Variants in CELF2 observed in about 807,000 individuals in gnomAD.
CELF2 encodes the protein CUG triplet repeat RNA-binding protein 2.
In CELF2, 8 loss-of-function variants were observed where a neutral mutation model predicts 62.6. The observed-to-expected ratio is 0.13, with a 90% CI of 0.07 to 0.23. CELF2 has a LOEUF of 0.23. CELF2 is among the 10% of genes least tolerant of loss of function. CELF2 has a pLI of 1.00. For missense variants in CELF2, 333 were observed against 671.0 expected (o/e 0.50, Z 5.56); for synonymous variants, 258 against 250.0 (o/e 1.03, Z -0.30).
intron 1 of CELF2, among the ~76,000 whole-genome samples, chr10:10,899,834 T>C (rs2062814423): frequency 6.6e-6 from 1 of 152,182 alleles, no homozygotes; most frequent in Non-Finnish European, 1.5e-5. Flanking sequence ...TCACTCACTA[T>C]CATGAGAACA....
intron 1 of CELF2, among the ~76,000 whole-genome samples, chr10:10,848,448 C>T (rs987584408): frequency 6.6e-6 from 1 of 152,140 alleles, no homozygotes; most frequent in Non-Finnish European, 1.5e-5. Context: ...AGCTTAGGAG[C>T]GTTGCTTTTG....
chr10:10,686,778 C>T, the CELF2 span, among the ~76,000 whole-genome samples: 1 of 152,096 alleles, frequency 6.6e-6, no homozygotes, highest in Non-Finnish European at 1.5e-5. Context: ...TATAAATTAC[C>T]CAGTCTCAGA....
intron 1 of CELF2, among the ~76,000 whole-genome samples, chr10:11,112,111 A>G (rs896460983): frequency 1.3e-5 from 2 of 152,256 alleles, no homozygotes; most frequent in African/African-American, 2.4e-5. Context: ...GGAATAGTAC[A>G]GCAGAACTTT....
the CELF2 span, among the ~76,000 whole-genome samples, chr10:10,755,464 ATCTACTGGCTCTGCTACAT>A: frequency 1.3e-5 from 2 of 152,170 alleles, no homozygotes; most frequent in East Asian, 3.9e-4. Flanking sequence ...TGTTGCCTTC[ATCTACTGGCTCTGCTACAT>A]TTTCGCGCGC....
the CELF2 span, among the ~76,000 whole-genome samples, chr10:10,526,199 T>C: frequency 6.6e-6 from 1 of 152,242 alleles, no homozygotes; most frequent in Non-Finnish European, 1.5e-5. Flanking sequence ...CAAGTATCTA[T>C]GCTTTTCTGC....
chr10:11,146,411 A>G (rs2062289542), intron 1 of CELF2, among the ~76,000 whole-genome samples: 1 of 152,258 alleles, frequency 6.6e-6, no homozygotes, highest in Admixed American at 6.5e-5. Flanking sequence ...ATGTGTAAGC[A>G]TAGCTGTGTT....
At chr10:10,932,260 G>C (rs1034709243) in intron 2 of CELF2, among the ~76,000 whole-genome samples, 2 of 152,208 alleles carry the variant, frequency 1.3e-5, no homozygotes, top group Non-Finnish European at 2.9e-5. Context: ...AAGGTATGCG[G>C]TGGGGAGTGG....
chr10:11,194,929 T>C (rs2057037880), intron 2 of CELF2, among the ~76,000 whole-genome samples: 2 of 151,560 alleles, frequency 1.3e-5, no homozygotes, highest in South Asian at 4.2e-4. Flanking sequence ...CAGGAAGGAG[T>C]GGAGGGGAGC....
At chr10:11,087,348 A>G (rs2047090960) in intron 1 of CELF2, among the ~76,000 whole-genome samples, 1 of 152,192 alleles carries the variant, frequency 6.6e-6, no homozygotes, top group Non-Finnish European at 1.5e-5. Context: ...TTGACACTAG[A>G]CAAGAGTAAA....
the CELF2 span, among the ~76,000 whole-genome samples, chr10:10,594,456 C>G: frequency 6.6e-6 from 1 of 152,162 alleles, no homozygotes. Context: ...TCTGGCCATC[C>G]CATAAGAGGC....
At chr10:10,585,329 C>T in the CELF2 span, among the ~76,000 whole-genome samples, 1 of 152,174 alleles carries the variant, frequency 6.6e-6, no homozygotes, top group Non-Finnish European at 1.5e-5. Context: ...CCAGGACTGG[C>T]CCACAGCCAT....
Position 10,957,203 on chromosome 10 carries a change from A to G in CELF2, c.89+37204A>G, listed in dbSNP as rs1407373393. On this transcript the variant is annotated intron_variant, in intron 2 of 13. Transcript: ENST00000636488. This position sits in a 1 kb window ranked among gnomAD's most constrained non-coding sequence, Gnocchi z 4.1. ...GCAAATAAGTCTTAGTCTCTTTACC[A>G]TTTAACCAGTTTCCCACTAATTCAC... Among the ~76,000 whole-genome samples, 6 of 152,332 alleles carry G rather than the reference A, an allele frequency of 3.9e-5. No homozygotes were observed. The highest frequency in any genetic ancestry group is 3.4e-3 in the Middle Eastern group (1 of 294).
chr10:11,126,582 C>T (rs2058737394), intron 1 of CELF2, among the ~76,000 whole-genome samples: 1 of 152,140 alleles, frequency 6.6e-6, no homozygotes, highest in Non-Finnish European at 1.5e-5. Context: ...TTGCCTTTCC[C>T]GTGGTTCACT....
chr10:11,088,933 T>G (rs1320606608), intron 1 of CELF2, among the ~76,000 whole-genome samples: 1 of 152,196 alleles, frequency 6.6e-6, no homozygotes, highest in Non-Finnish European at 1.5e-5. Flanking sequence ...CTGGAGCTGG[T>G]GACTGAAGCA....
At position 11,096,334 on chromosome 10, in the gene CELF2, G is replaced by A. The variant is rs575140142; in HGVS notation, c.75-69152G>A. The A allele has an allele frequency of 2.0e-5, 3 of 152,266 alleles. No homozygotes were observed. In the South Asian group the frequency reaches 6.2e-4, roughly 32 times the overall value. 9.4% of individuals were successfully genotyped at this position (152,266 alleles called of 1,614,324 possible). On this transcript the variant is annotated intron_variant, in intron 1 of 12. Transcript: ENST00000633077. ...TTGCATTACTTGAGAAGAACAGAGGGAAGGGAGTCCGTCGTTTTCCCCTTC... is the reference window on the plus strand; with the variant it reads ...TTGCATTACTTGAGAAGAACAGAGGAAAGGGAGTCCGTCGTTTTCCCCTTC...
At chr10:11,282,120 C>T (rs903262522) in intron 8 of CELF2, among the ~76,000 whole-genome samples, 1 of 152,194 alleles carries the variant, frequency 6.6e-6, no homozygotes, top group African/African-American at 2.4e-5. Flanking sequence ...TATGCTGGAC[C>T]AGCCCTTTCC....
chr10:11,090,705 G>A (rs1291819), intron 1 of CELF2, among the ~76,000 whole-genome samples: 3,484 of 152,270 alleles, frequency 0.023, 135 homozygotes, highest in African/African-American at 0.08. Flanking sequence ...TAAGATTGTA[G>A]TGATAAGGAA....
At chr10:10,818,161 A>G (rs2056645709) in intron 1 of CELF2, among the ~76,000 whole-genome samples, 1 of 152,202 alleles carries the variant, frequency 6.6e-6, no homozygotes, top group South Asian at 2.1e-4. Flanking sequence ...TTTTGGGGCT[A>G]TAATCTTTAA....
At chr10:10,571,881 G>A in the CELF2 span, among the ~76,000 whole-genome samples, 3 of 152,126 alleles carry the variant, frequency 2.0e-5, no homozygotes, top group Admixed American at 2.0e-4. Context: ...AGAGGACAGA[G>A]GGTCTGGAAC....
Sources: gnomAD v4.1 joint callset for allele counts (sites outside exome capture counted in the v4.1 genomes callset) on GRCh38, gnomAD v4.1.1 for gene constraint, Gnocchi (gnomAD v3.1) non-coding constraint, MANE v1.5 for transcripts, NCBI Gene and HGNC (gene_info 2026-07-23, HGNC 2026-07-21) for gene names.